Variants in CSMD2 observed in about 807,000 individuals in gnomAD.
CSMD2 encodes CUB and sushi domain-containing protein 2.
CSMD2 carries 130 observed loss-of-function variants against 398.5 expected under a neutral mutation model. That is an observed-to-expected ratio of 0.33 (90% CI 0.28 to 0.38). The LOEUF is 0.38. Ranked by LOEUF, CSMD2 falls within the 10% of genes least tolerant of loss-of-function variation. The pLI, the probability that CSMD2 is intolerant of heterozygous loss-of-function variation, is 1.00. For missense variants in CSMD2, 3,829 were observed against 4,764.9 expected, an observed-to-expected ratio of 0.80 and a Z score of 5.78; for synonymous variants, 1,828 against 1,908.5, an observed-to-expected ratio of 0.96 and a Z score of 1.10.
At chr1:33,608,580 G>A (rs1640785835) in intron 41 of CSMD2, among the ~76,000 whole-genome samples, 2 of 152,198 alleles carry the variant, frequency 1.3e-5, no homozygotes, top group Non-Finnish European at 2.9e-5. Context: ...TTAAAATGAG[G>A]TCACTAGGGT....
intron 5 of CSMD2, among the ~76,000 whole-genome samples, chr1:33,888,418 T>G (rs1458057213): frequency 6.6e-6 from 1 of 152,014 alleles, no homozygotes; most frequent in Non-Finnish European, 1.5e-5. Context: ...CAGAAATAGA[T>G]TAACAGAGAA....
At chr1:33,709,726 T>C (rs1645922338) in intron 21 of CSMD2, among the ~76,000 whole-genome samples, 1 of 152,178 alleles carries the variant, frequency 6.6e-6, no homozygotes, top group Non-Finnish European at 1.5e-5. Context: ...TCGCTAACCC[T>C]TATGTGCAAA....
intron 3 of CSMD2, among the ~76,000 whole-genome samples, chr1:33,954,328 A>T (rs528947113): frequency 2.0e-5 from 3 of 152,024 alleles, no homozygotes; most frequent in African/African-American, 7.2e-5. Flanking sequence ...CTGGGTTGCT[A>T]TGGAAACCTG....
Position 34,164,964 on chromosome 1 carries a change from G to A in CSMD2, c.134C>T (p.Pro45Leu). 15 of 1,216,154 alleles carry A rather than the reference G, an allele frequency of 1.2e-5. No individual in the cohort carries two copies. The highest frequency in any genetic ancestry group is 1.4e-5 in the Non-Finnish European group (14 of 978,136). 75.3% of individuals were successfully genotyped at this position (1,216,154 alleles called of 1,614,324 possible). The change falls in exon 1 of 71, where the codon CCG (proline) becomes CTG (leucine). Residue 45 changes from proline to leucine, a missense_variant. Physicochemically the swap from Pro to Leu is moderately conservative, Grantham distance 98. Coordinates refer to ENST00000373381, the MANE Select transcript of CSMD2 (RefSeq NM_001281956.2). This position sits in a 1 kb window ranked among gnomAD's most constrained non-coding sequence, Gnocchi z 6.2. ...ACAGCCCAGCAACAGCAGCAGAGGC[G>A]GCGGCGTTGGCGGCGGCGGGCGGCC... is the stretch of plus-strand genomic sequence containing the variant. ...RWGRPPPPTP[P>L]PLLLLLGCGL...
At chr1:33,679,264 C>A (rs1195284166) in intron 25 of CSMD2, among the ~76,000 whole-genome samples, 3 of 147,598 alleles carry the variant, frequency 2.0e-5, no homozygotes, top group Admixed American at 6.8e-5. Flanking sequence ...TGCAGTGGTG[C>A]CATCTTGGCT....
At chr1:34,103,537 C>T (rs781071625) in intron 1 of CSMD2, among the ~76,000 whole-genome samples, 7 of 151,962 alleles carry the variant, frequency 4.6e-5, no homozygotes, top group African/African-American at 1.5e-4. Flanking sequence ...CCTTGCGATT[C>T]GCCCACCTCG....
chr1:33,679,597 T>A (rs559526060), intron 25 of CSMD2, among the ~76,000 whole-genome samples: 2 of 152,362 alleles, frequency 1.3e-5, no homozygotes, highest in East Asian at 3.9e-4. Context: ...CAAGCAGCGT[T>A]GCTAAGAGTA....
intron 37 of CSMD2, among the ~76,000 whole-genome samples, chr1:33,619,748 T>C (rs774319627): frequency 5.3e-5 from 8 of 152,162 alleles, no homozygotes; most frequent in Non-Finnish European, 1.0e-4. Context: ...AGTGTGATAT[T>C]TGGAAATGAA....
rs1239888544 is a variant in CSMD2 at position 33,740,039 on chromosome 1, A to C, written c.2174-705T>G. 4.6e-5 allele frequency among the ~76,000 whole-genome samples: 7 copies of C among 152,170 alleles called. No homozygotes were observed. The East Asian group carries it at 1.4e-3, about 29-fold the overall frequency. On this transcript the variant is annotated intron_variant, in intron 14 of 70. Transcript: ENST00000373381. ...ATGAGCCTTAGTTTCCTGACTGATA[A>C]TATGGAGATCATCCTTCACTTGCAG...
intron 3 of CSMD2, among the ~76,000 whole-genome samples, chr1:33,995,360 G>A (rs2358755): frequency 3.3e-5 from 5 of 151,962 alleles, no homozygotes; most frequent in African/African-American, 9.7e-5. Context: ...GCAGGACTAC[G>A]ACACTGTCAC....
In CSMD2 at chr1:34,135,159, A is replaced by G. The variant is rs541784070; in HGVS notation, c.187+29752T>C. Among the ~76,000 whole-genome samples the G allele has an allele frequency of 4.4e-4, 67 of 151,946 alleles. 1 individual carries two copies. The highest frequency in any genetic ancestry group is 8.7e-4 in the Non-Finnish European group (59 of 68,000). The stretch of plus-strand genomic sequence containing the variant: ...AAATACTATTGGCAGTGTTTAAATT[A>G]ATGCAAATTGGCAAGTTTATCAAAT... On this transcript the variant is annotated intron_variant, in intron 1 of 70. Coordinates refer to ENST00000373381, the MANE Select transcript of CSMD2 (RefSeq NM_001281956.2).
intron 7 of CSMD2, among the ~76,000 whole-genome samples, chr1:33,823,346 T>A (rs1389980546): frequency 6.6e-6 from 1 of 151,784 alleles, no homozygotes; most frequent in Non-Finnish European, 1.5e-5. Flanking sequence ...ATCTCAGCGA[T>A]CAGTTTACTG....
At position 33,623,480 on chromosome 1, in the gene CSMD2, A is replaced by G. The variant is rs748804139; in HGVS notation, c.5626-14T>C. On this transcript the variant is annotated splice_polypyrimidine_tract_variant and intron_variant, in intron 35 of 70. Coordinates refer to ENST00000373381, the MANE Select transcript of CSMD2 (RefSeq NM_001281956.2). The stretch of plus-strand genomic sequence containing the variant: ...GACAACTTGGATCTGGGAAGGGAGA[A>G]GAGTGAATTGTTGGTTAGGCAGCCT... 1.5e-5 allele frequency: 24 copies of G among 1,606,792 alleles called. No homozygotes were observed. The highest frequency in any genetic ancestry group is 2.0e-5 in the Non-Finnish European group (24 of 1,173,540).
intron 12 of CSMD2, among the ~76,000 whole-genome samples, chr1:33,775,534 T>C (rs1293708815): frequency 2.0e-5 from 3 of 152,202 alleles, no homozygotes; most frequent in African/African-American, 7.2e-5. Context: ...CCAATAGTTA[T>C]TGTCACAGCT....
intron 3 of CSMD2, among the ~76,000 whole-genome samples, chr1:33,951,061 T>A (rs1241585212): frequency 6.6e-6 from 1 of 152,226 alleles, no homozygotes; most frequent in African/African-American, 2.4e-5. Context: ...TGGTCCTCTA[T>A]CTGACAATCT....
chr1:33,661,630 G>A (rs552296988), intron 26 of CSMD2, among the ~76,000 whole-genome samples: 1 of 152,268 alleles, frequency 6.6e-6, no homozygotes, highest in South Asian at 2.1e-4. Flanking sequence ...AGGAATAGAT[G>A]GAAAATGCTA....
chr1:33,867,656 T>G (rs1263131628), intron 5 of CSMD2, among the ~76,000 whole-genome samples: 1 of 152,238 alleles, frequency 6.6e-6, no homozygotes, highest in East Asian at 1.9e-4. Flanking sequence ...ACCTTCCCCA[T>G]TTAATTTCCT....
chr1:33,631,062 A>T (rs1273470358), intron 32 of CSMD2, among the ~76,000 whole-genome samples: 1 of 152,058 alleles, frequency 6.6e-6, no homozygotes, highest in Non-Finnish European at 1.5e-5. Context: ...GCAGAGATTA[A>T]TAAAAAAAAG....
At chr1:34,002,604 T>G (rs1646936546) in intron 3 of CSMD2, among the ~76,000 whole-genome samples, 2 of 152,232 alleles carry the variant, frequency 1.3e-5, no homozygotes, top group African/African-American at 2.4e-5. Context: ...AAAGTCTCGT[T>G]GCATGCTAAT....
Sources: gnomAD v4.1 joint callset for allele counts (sites outside exome capture counted in the v4.1 genomes callset) on GRCh38, gnomAD v4.1.1 for gene constraint, Gnocchi (gnomAD v3.1) non-coding constraint, MANE v1.5 for transcripts, NCBI Gene and HGNC (gene_info 2026-07-23, HGNC 2026-07-21) for gene names.